Variants in AGBL1 observed in about 807,000 individuals in gnomAD.
The protein encoded by AGBL1 is cytosolic carboxypeptidase 4.
Under a neutral mutation model 118.9 loss-of-function variants are expected in AGBL1, and 130 were observed. The ratio of observed to expected loss-of-function variants is 1.09; its 90% CI spans 0.95 to 1.26. The LOEUF is 1.26. AGBL1 is among the 50% of genes most tolerant of loss of function. AGBL1 has a pLI of 0.00. For missense variants in AGBL1, 1,584 were observed against 1,298.1 expected, an observed-to-expected ratio of 1.22 and a Z score of -3.38; for synonymous variants, 555 against 478.9, an observed-to-expected ratio of 1.16 and a Z score of -2.08.
intron 22 of AGBL1, among the ~76,000 whole-genome samples, chr15:86,759,727 C>A (rs2077997335): frequency 6.6e-6 from 1 of 151,976 alleles, no homozygotes; most frequent in Non-Finnish European, 1.5e-5. Flanking sequence ...AGGAAACATG[C>A]AAGTAGATTG....
intron 17 of AGBL1, among the ~76,000 whole-genome samples, chr15:86,365,016 C>CACACATAT (rs1183004112): frequency 3.0e-4 from 37 of 121,992 alleles, no homozygotes; most frequent in African/African-American, 1.0e-3. Flanking sequence ...TATACACACA[C>CACACATAT]ATATATATAT....
At chr15:86,423,853 C>G (rs949163524) in intron 18 of AGBL1, among the ~76,000 whole-genome samples, 1 of 152,064 alleles carries the variant, frequency 6.6e-6, no homozygotes, top group Non-Finnish European at 1.5e-5. Flanking sequence ...TCAAGGAGAG[C>G]TACAAACCAC....
intron 24 of AGBL1, among the ~76,000 whole-genome samples, chr15:87,002,175 C>A (rs2081447017): frequency 1.3e-5 from 2 of 152,064 alleles, no homozygotes; most frequent in Admixed American, 1.3e-4. Context: ...AGGAAGGGAT[C>A]CAGTTTCAGC....
At chr15:86,923,843 C>T (rs1013818002) in intron 23 of AGBL1, among the ~76,000 whole-genome samples, 8 of 152,078 alleles carry the variant, frequency 5.3e-5, no homozygotes, top group Admixed American at 1.3e-4. Flanking sequence ...AAAAACCCAC[C>T]CTATGTCATA....
chr15:86,413,833 C>T (rs992780020), intron 18 of AGBL1, among the ~76,000 whole-genome samples: 3 of 152,014 alleles, frequency 2.0e-5, no homozygotes, highest in Non-Finnish European at 4.4e-5. Context: ...TGTCTGTCCA[C>T]TCTGTTGATT....
intron 22 of AGBL1, among the ~76,000 whole-genome samples, chr15:86,791,728 T>TTTTATATATATATATATATATATA (rs1555450536): frequency 1.4e-5 from 2 of 142,874 alleles, no homozygotes; most frequent in African/African-American, 5.1e-5. Flanking sequence ...TCCTTGTTTT[T>TTTTATATATATATATATATATATA]TATATATATA....
At chr15:86,452,057 C>A (rs567638393) in intron 18 of AGBL1, among the ~76,000 whole-genome samples, 4 of 152,084 alleles carry the variant, frequency 2.6e-5, no homozygotes, top group Non-Finnish European at 5.9e-5. Flanking sequence ...GGTGGAGGAG[C>A]CTTATGCCAG....
intron 22 of AGBL1, among the ~76,000 whole-genome samples, chr15:86,736,840 T>A (rs1256399378): frequency 1.3e-5 from 2 of 152,154 alleles, no homozygotes; most frequent in Admixed American, 6.5e-5. Flanking sequence ...TTCAGCCTCT[T>A]ATTTTTTTCT....
intron 18 of AGBL1, among the ~76,000 whole-genome samples, chr15:86,448,683 G>A (rs181184462): frequency 1.3e-4 from 17 of 133,810 alleles, no homozygotes; most frequent in African/African-American, 5.0e-4. Flanking sequence ...GATTGAATGT[G>A]GGGGCAATCA....
chr15:86,104,506 C>T (rs1414114176), intron 1 of AGBL1, among the ~76,000 whole-genome samples: 1 of 152,298 alleles, frequency 6.6e-6, no homozygotes, highest in East Asian at 1.9e-4. Flanking sequence ...GTGCTTTGGC[C>T]CTGGGTGCAG....
intron 24 of AGBL1, among the ~76,000 whole-genome samples, chr15:86,999,076 A>C (rs953639878): frequency 6.8e-6 from 1 of 147,688 alleles, no homozygotes; most frequent in Non-Finnish European, 1.5e-5. Flanking sequence ...TCACTGTTCA[A>C]TTCCCACCTA....
At chr15:86,154,699 G>A in intron 4 of AGBL1, 138 bp downstream of exon 4, 3 of 1,134,252 alleles carry the variant, frequency 2.6e-6, no homozygotes, top group Non-Finnish European at 3.6e-6. Flanking sequence ...AAATAAAAGA[G>A]ACTGACAATC....
chr15:86,433,226 T>TCTCCTCCTCCTC (rs1567256244), intron 18 of AGBL1, among the ~76,000 whole-genome samples: 1 of 146,796 alleles, frequency 6.8e-6, no homozygotes, highest in Admixed American at 6.8e-5. Flanking sequence ...TTCTTCTTCT[T>TCTCCTCCTCCTC]CTTCTCCTCC....
intron 21 of AGBL1, among the ~76,000 whole-genome samples, chr15:86,578,073 T>C (rs2084118956): frequency 6.6e-6 from 1 of 152,100 alleles, no homozygotes; most frequent in South Asian, 2.1e-4. Context: ...CACTGACAGC[T>C]TGCACCGTGT....
intron 17 of AGBL1, among the ~76,000 whole-genome samples, chr15:86,309,353 A>C (rs2079886564): frequency 6.6e-6 from 1 of 152,212 alleles, no homozygotes; most frequent in Admixed American, 6.5e-5. Flanking sequence ...ATCTACAAAC[A>C]GAAAAATTTT....
intron 15 of AGBL1, among the ~76,000 whole-genome samples, chr15:86,272,113 G>A (rs1431734922): frequency 3.3e-5 from 5 of 152,166 alleles, no homozygotes; most frequent in Admixed American, 2.6e-4. Context: ...GTTTTCCAAA[G>A]TACAGGAGGG....
In AGBL1 at chr15:86,931,448, G is replaced by T. The variant is rs557929255; in HGVS notation, c.3222-56539G>T. ...CTGCAAAACCTGGGTAGGAATGTTT[G>T]GCCTTACCATGCTGGGCAAGTGGAC... On this transcript the variant is annotated intron_variant, in intron 23 of 24. Coordinates refer to the AGBL1 transcript ENST00000441037. Among the ~76,000 whole-genome samples, 6 of 152,154 alleles carry T rather than the reference G, an allele frequency of 3.9e-5. No individual in the cohort carries two copies. The East Asian group carries it at 1.2e-3, about 29-fold the overall frequency.
At chr15:86,315,574 C>A (rs572235138) in intron 17 of AGBL1, among the ~76,000 whole-genome samples, 1 of 151,668 alleles carries the variant, frequency 6.6e-6, no homozygotes, top group Non-Finnish European at 1.5e-5. Flanking sequence ...AAAAACTAGC[C>A]GAGTGAGGTG....
chr15:86,920,655 C>T (rs1019687581), downstream of AGBL1, among the ~76,000 whole-genome samples: 19 of 152,188 alleles, frequency 1.2e-4, no homozygotes, highest in African/African-American at 4.3e-4. Context: ...ACATTAATAA[C>T]ATGAATCTTC....
Sources: gnomAD v4.1 joint callset for allele counts (sites outside exome capture counted in the v4.1 genomes callset) on GRCh38, gnomAD v4.1.1 for gene constraint, MANE v1.5 for transcripts, NCBI Gene and HGNC (gene_info 2026-07-23, HGNC 2026-07-21) for gene names.